GUSB: variants seen among roughly 807,000 people sequenced by gnomAD.
GUSB encodes beta-glucuronidase.
Under a neutral mutation model 74.6 loss-of-function variants are expected in GUSB, and 51 were observed. That is an observed-to-expected ratio of 0.68 (90% confidence interval 0.55 to 0.86). The LOEUF (loss-of-function observed/expected upper bound fraction) is 0.86, where lower values mean the gene tolerates loss of function less well. GUSB is among the 40% of genes least tolerant of loss of function. The pLI, the probability that GUSB is intolerant of heterozygous loss-of-function variation, is 0.00. For synonymous variants in GUSB, 360 were observed against 348.3 expected (o/e 1.03, Z -0.37); for missense variants, 736 against 853.7 (o/e 0.86, Z 1.72).
At chr7:65,971,883 A>G (rs1791235269) in intron 8 of GUSB, among the ~76,000 whole-genome samples, 1 of 151,948 alleles carries the variant, frequency 6.6e-6, no homozygotes, top group South Asian at 2.1e-4. Flanking sequence ...TCTACTAAAA[A>G]TACAAATTAG....
intron 6 of GUSB, 57 bp downstream of exon 6, chr7:65,974,862 C>T (rs1052167702): frequency 2.5e-5 from 40 of 1,594,934 alleles, no homozygotes; most frequent in East Asian, 2.0e-4. Flanking sequence ...ACAGGGAAGG[C>T]GAAAGTGGAG....
chr7:65,980,399 G>A lies in GUSB; in HGVS notation c.221C>T (p.Thr74Ile). 1 of 1,613,320 alleles carries A rather than the reference G, an allele frequency of 6.2e-7. No individual in the cohort carries two copies. The change falls in exon 2 of 12, where the codon ACC (threonine) becomes ATC (isoleucine). Residue 74 changes from threonine (T) to isoleucine (I), a missense_variant. By Grantham distance (89) the Thr-to-Ile change is moderately conservative. Transcript: ENST00000304895. ...GCTGGAGGGAACTGGCATGTCCACG[G>A]TGGGGCCTGACTGTGGAGAGAAGAG... ...YRRPLWESGP[T>I]VDMPVPSSFN...
chr7:65,971,059 G>A (rs1219735182), intron 8 of GUSB, among the ~76,000 whole-genome samples: 1 of 152,160 alleles, frequency 6.6e-6, no homozygotes, highest in South Asian at 2.1e-4. Context: ...CCCCAGAGGA[G>A]CAGCCACTCT....
At chr7:65,980,003 T>C (rs1248246513) in intron 2 of GUSB, 92 bp from the exon 3 acceptor site, 1 of 1,140,930 alleles carries the variant, frequency 8.8e-7, no homozygotes, top group East Asian at 2.6e-5. Flanking sequence ...ACCTGCAGCA[T>C]GGGGCTCCGG....
rs113856819 is a variant in GUSB, at chr7:65,980,045, C to T, written c.397-134G>A. The T allele has an allele frequency of 2.6e-3, 2,464 of 945,204 alleles. 32 individuals are homozygous for T. In the African/African-American group the frequency reaches 0.031, roughly 12 times the overall value. 58.6% of individuals were successfully genotyped at this position (945,204 alleles called of 1,614,324 possible). A position where few individuals can be genotyped will look rare whatever the true frequency, so the allele number is the denominator to read the frequency against. On this transcript the variant is annotated intron_variant, in intron 2 of 11. Coordinates refer to ENST00000304895, the MANE Select transcript of GUSB (RefSeq NM_000181.4). ...CCAGCCAGACGGGAAGAATGACATC[C>T]CAATGGGGTAGATCAGGCTACCTAT...
Position 65,974,362 on chromosome 7 carries a change from C to T in GUSB, c.1324G>A (p.Ala442Thr), listed in dbSNP as rs753483823. ...TTGGCCACAGACCACATCACGACCG[C>T]GGGGTGGTTCTTGTCCCTACGCACC... is the stretch of plus-strand genomic sequence containing the variant. ...EVVRRDKNHPAVVMWSVANEP... is the reference protein window; with the variant it reads ...EVVRRDKNHPTVVMWSVANEP... Residue 442 changes from alanine to threonine, a missense_variant, in exon 8 of 12, where the codon GCG becomes ACG. Physicochemically the swap from Ala to Thr is moderately conservative, Grantham distance 58. Coordinates refer to ENST00000304895, the MANE Select transcript of GUSB (RefSeq NM_000181.4). The T allele has an allele frequency of 3.7e-6, 6 of 1,614,054 alleles. No individual in the cohort carries two copies. The highest frequency in any genetic ancestry group is 1.3e-5 in the African/African-American group (1 of 75,064).
intron 9 of GUSB, among the ~76,000 whole-genome samples, chr7:65,969,387 T>C (rs775846261): frequency 6.6e-6 from 1 of 151,250 alleles, no homozygotes; most frequent in Non-Finnish European, 1.5e-5. Flanking sequence ...TCAAAATAAA[T>C]AAATAAATAA....
chr7:65,961,172 CT>C (rs2115802594), intron 11 of GUSB, 109 bp from the exon 12 acceptor site: 2 of 1,093,420 alleles, frequency 1.8e-6, no homozygotes, highest in Non-Finnish European at 1.4e-6. Context: ...CTTTTTTTTT[CT>C]TTTTTCTCCC....
At chr7:65,977,039 C>T (rs1791629710) in intron 4 of GUSB, among the ~76,000 whole-genome samples, 1 of 152,058 alleles carries the variant, frequency 6.6e-6, no homozygotes, top group African/African-American at 2.4e-5. Context: ...CTTACAGTAA[C>T]ACCTCTTCCC....
intron 4 of GUSB, among the ~76,000 whole-genome samples, chr7:65,977,259 C>T (rs1791644578): frequency 6.6e-6 from 1 of 152,106 alleles, no homozygotes; most frequent in Non-Finnish European, 1.5e-5. Flanking sequence ...TGACTGCAAC[C>T]TCCACCTCCC....
rs1213722318 is a variant in GUSB at position 65,979,814 on chromosome 7, C to T, written c.494G>A (p.Arg165Gln). The change falls in exon 3 of 12, where the codon CGG becomes CAG. Residue 165 changes from arginine to glutamine, a missense_variant. Coordinates refer to ENST00000304895, the MANE Select transcript of GUSB (RefSeq NM_000181.4). ...NLVQVGPLPS[R>Q]LRITIAINNT... ...GTTGATGGCGATAGTGATTCGGAGC[C>T]GGGAGGGCAGGGGCCCCACCTGGAC... is the stretch of plus-strand genomic sequence containing the variant. The T allele has an allele frequency of 2.5e-6, 4 of 1,613,608 alleles. No homozygotes were observed. The highest frequency in any genetic ancestry group is 2.7e-5 in the African/African-American group (2 of 74,898).
In GUSB at chr7:65,974,844, T is replaced by A. The variant is rs141884647; in HGVS notation, c.1065+75A>T. The stretch of plus-strand genomic sequence containing the variant: ...CTCATTGCCCTGAGCTGCCCTCAAC[T>A]GCAGGACACAGGGAAGGCGAAAGTG... On this transcript the variant is annotated intron_variant, in intron 6 of 11. Coordinates refer to ENST00000304895, the MANE Select transcript of GUSB (RefSeq NM_000181.4). 7.0e-6 allele frequency: 11 copies of A among 1,568,708 alleles called. No individual in the cohort carries two copies. In the East Asian group the frequency reaches 2.5e-4, roughly 35 times the overall value.
intron 5 of GUSB, 47 bp downstream of exon 5, chr7:65,975,968 C>T: frequency 6.5e-7 from 1 of 1,542,174 alleles, no homozygotes; most frequent in Non-Finnish European, 8.9e-7. Context: ...AGGGTCACCA[C>T]ATGGGGGCAA....
intron 1 of GUSB, chr7:65,980,839 A>G (rs1791962072): frequency 7.2e-6 from 2 of 279,616 alleles, no homozygotes; most frequent in East Asian, 1.7e-4. Context: ...TGAATGCTGC[A>G]AAGTCAGAAT....
At chr7:65,979,581 G>A (rs1357131577) in intron 3 of GUSB, 40 bp from the exon 4 acceptor site, 1 of 1,613,080 alleles carries the variant, frequency 6.2e-7, no homozygotes, top group Admixed American at 1.7e-5. Flanking sequence ...CCCTTGCTCT[G>A]GGTCCCCTGA....
In GUSB at chr7:65,979,864, G is replaced by A. The variant is rs956058239; in HGVS notation, c.444C>T (p.Pro148=). 7 of 1,612,718 alleles carry A rather than the reference G, an allele frequency of 4.3e-6. No homozygotes were observed. The highest frequency in any genetic ancestry group is 5.9e-6 in the Non-Finnish European group (7 of 1,179,796). The change falls in exon 3 of 12, where the codon CCC becomes CCT. Residue 148 remains proline (P), a synonymous_variant. Coordinates refer to ENST00000304895, the MANE Select transcript of GUSB (RefSeq NM_000181.4). Reference sequence around the variant, plus strand: ...CCAGGTTGCTGATGTCGGCCTCGAAGGGGAGGTAGCCCCCCTCATGCTCTA... The same window carrying A: ...CCAGGTTGCTGATGTCGGCCTCGAAAGGGAGGTAGCCCCCCTCATGCTCTA... ...DTLEHEGGYL[P]FEADISNLVQ...
At chr7:65,967,958 C>G (rs1039860919) in intron 9 of GUSB, 51 bp from the exon 10 acceptor site, 2 of 1,460,270 alleles carry the variant, frequency 1.4e-6, no homozygotes, top group South Asian at 2.3e-5. Flanking sequence ...CAGCATGACT[C>G]AGCATTCACA....
intron 10 of GUSB, 142 bp downstream of exon 10, chr7:65,967,589 A>C (rs1482250329): frequency 1.3e-6 from 1 of 746,726 alleles, no homozygotes; most frequent in Non-Finnish European, 2.4e-6. Flanking sequence ...GTTGGCGGTG[A>C]GGGAACGTGG....
rs1409467514 is a variant in GUSB, at chr7:65,964,515, A to G, written c.1654-57T>C. 20 of 1,555,710 alleles carry G rather than the reference A, an allele frequency of 1.3e-5. 1 individual carries two copies. The highest frequency in any genetic ancestry group is 7.9e-5 in the South Asian group (7 of 88,652). On this transcript the variant is annotated intron_variant, in intron 10 of 11. Coordinates refer to ENST00000304895, the MANE Select transcript of GUSB (RefSeq NM_000181.4). ...CAGAACTGGCAGAATTGTAAATGTT[A>G]GATAAAAATAAAGATCCACTTGATG...
Sources: gnomAD v4.1 joint callset for allele counts (sites outside exome capture counted in the v4.1 genomes callset) on GRCh38, gnomAD v4.1.1 for gene constraint, MANE v1.5 for transcripts, NCBI Gene and HGNC (gene_info 2026-07-23, HGNC 2026-07-21) for gene names.